SRD5A2: variants seen among roughly 807,000 people sequenced by gnomAD.
The protein encoded by SRD5A2 is 3-oxo-5-alpha-steroid 4-dehydrogenase 2.
Under a neutral mutation model 27.4 loss-of-function variants are expected in SRD5A2, and 30 were observed. The observed-to-expected ratio is 1.10, with a 90% CI of 0.82 to 1.49. The LOEUF is 1.49. Among genes scored for constraint, SRD5A2 ranks in the 40% most tolerant of loss-of-function variants. SRD5A2 has a pLI of 0.00. For synonymous variants in SRD5A2, 141 were observed against 133.6 expected (o/e 1.06, Z -0.38); for missense variants, 348 against 323.4 (o/e 1.08, Z -0.58).
chr2:31,549,787 G>T (rs537248020), intron 1 of SRD5A2, among the ~76,000 whole-genome samples: 2 of 152,234 alleles, frequency 1.3e-5, no homozygotes, highest in East Asian at 3.9e-4. Flanking sequence ...AAAGCTGAAG[G>T]CTTCAACACC....
At chr2:31,589,816 G>C in the SRD5A2 span, among the ~76,000 whole-genome samples, 1 of 152,134 alleles carries the variant, frequency 6.6e-6, no homozygotes, top group Admixed American at 6.5e-5. Context: ...AGGCAGGGAA[G>C]GGAGGCCTGA....
At chr2:31,637,742 C>T in the SRD5A2 span, among the ~76,000 whole-genome samples, 3 of 152,050 alleles carry the variant, frequency 2.0e-5, no homozygotes, top group Non-Finnish European at 2.9e-5. Context: ...AACCAAGAAC[C>T]CTCCCAAGCT....
the SRD5A2 span, among the ~76,000 whole-genome samples, chr2:31,634,985 A>G: frequency 6.6e-6 from 1 of 152,164 alleles, no homozygotes; most frequent in East Asian, 1.9e-4. Flanking sequence ...ATAGTGCTTC[A>G]ATAAAGATGG....
At position 31,539,007 on chromosome 2, in the gene SRD5A2, A is replaced by C. The variant is rs139281686; in HGVS notation, c.282-5241T>G. 7.8e-3 allele frequency among the ~76,000 whole-genome samples: 1,192 copies of C among 152,358 alleles called. 15 individuals carry two copies. Among genetic ancestry groups the C allele is most frequent in the African/African-American group, 0.027 (1,133 of 41,586 alleles). Reference sequence around the variant, plus strand: ...GCTATAAGTGGCACACATCATACGCATGCAGAGCTTCAAATTTTATCTCAC... The same window carrying C: ...GCTATAAGTGGCACACATCATACGCCTGCAGAGCTTCAAATTTTATCTCAC... On this transcript the variant is annotated intron_variant, in intron 1 of 4. Coordinates refer to ENST00000622030, the MANE Select transcript of SRD5A2 (RefSeq NM_000348.4).
At chr2:31,608,111 T>C in the SRD5A2 span, among the ~76,000 whole-genome samples, 13 of 152,076 alleles carry the variant, frequency 8.5e-5, no homozygotes, top group East Asian at 3.9e-4. Context: ...TATTCCATTA[T>C]AGCAGCCCAA....
chr2:31,582,538 T>C (rs1437200353), upstream of SRD5A2, among the ~76,000 whole-genome samples: 1 of 152,188 alleles, frequency 6.6e-6, no homozygotes, highest in Non-Finnish European at 1.5e-5. Flanking sequence ...ATCATAGCCG[T>C]TTCAAGCTTT....
the SRD5A2 span, among the ~76,000 whole-genome samples, chr2:31,619,289 G>A: frequency 6.0e-4 from 92 of 152,102 alleles, no homozygotes; most frequent in African/African-American, 2.0e-3. Context: ...CCACATGACC[G>A]AGTAATTCTA....
At chr2:31,622,830 A>C in the SRD5A2 span, among the ~76,000 whole-genome samples, 2 of 152,082 alleles carry the variant, frequency 1.3e-5, no homozygotes, top group Admixed American at 1.3e-4. Context: ...AATAAAATCC[A>C]CTTTTCATCA....
chr2:31,604,080 T>C, the SRD5A2 span, among the ~76,000 whole-genome samples: 1 of 151,810 alleles, frequency 6.6e-6, no homozygotes, highest in African/African-American at 2.4e-5. Flanking sequence ...AAAAAGTCAA[T>C]GTTTCTTCAT....
chr2:31,554,267 C>T (rs1666446958), intron 1 of SRD5A2, among the ~76,000 whole-genome samples: 1 of 152,104 alleles, frequency 6.6e-6, no homozygotes, highest in African/African-American at 2.4e-5. Context: ...TGAAGATAAA[C>T]ACTAACTCCC....
chr2:31,654,315 G>T, the SRD5A2 span, among the ~76,000 whole-genome samples: 7 of 152,192 alleles, frequency 4.6e-5, no homozygotes, highest in African/African-American at 1.4e-4. Flanking sequence ...CTACTTGCAG[G>T]TGAGAGGTTC....
chr2:31,637,008 C>T, the SRD5A2 span, among the ~76,000 whole-genome samples: 1 of 152,046 alleles, frequency 6.6e-6, no homozygotes, highest in Admixed American at 6.6e-5. Flanking sequence ...CAAGTATTTC[C>T]TTCTTTTCCA....
chr2:31,548,576 C>T (rs1012761584), intron 1 of SRD5A2, among the ~76,000 whole-genome samples: 9 of 152,006 alleles, frequency 5.9e-5, no homozygotes, highest in African/African-American at 2.2e-4. Context: ...ATTAAGAAAA[C>T]AAAAAATAAC....
intron 1 of SRD5A2, among the ~76,000 whole-genome samples, chr2:31,557,466 C>G (rs1666522921): frequency 6.6e-6 from 1 of 152,124 alleles, no homozygotes; most frequent in Non-Finnish European, 1.5e-5. Context: ...CTCAGTAAAA[C>G]CATAATTTTT....
intron 1 of SRD5A2, among the ~76,000 whole-genome samples, chr2:31,556,820 T>C (rs1038551880): frequency 1.3e-5 from 2 of 152,198 alleles, no homozygotes; most frequent in Admixed American, 1.3e-4. Flanking sequence ...GGAGTAATAT[T>C]ACACTATTGA....
intron 1 of SRD5A2, among the ~76,000 whole-genome samples, chr2:31,555,886 C>T (rs1666484112): frequency 6.6e-6 from 1 of 152,150 alleles, no homozygotes; most frequent in African/African-American, 2.4e-5. Context: ...AGGAAGATCT[C>T]TTGAGCCCAG....
At chr2:31,569,170 G>A (rs1329849471) in intron 1 of SRD5A2, among the ~76,000 whole-genome samples, 1 of 152,240 alleles carries the variant, frequency 6.6e-6, no homozygotes, top group African/African-American at 2.4e-5. Context: ...GGAGTGCGCA[G>A]CCCCAGCCAT....
At chr2:31,537,623 C>T (rs1012105894) in intron 1 of SRD5A2, among the ~76,000 whole-genome samples, 8 of 152,164 alleles carry the variant, frequency 5.3e-5, no homozygotes, top group African/African-American at 1.9e-4. Flanking sequence ...GAGAGTGCCC[C>T]CAGAACTCAG....
intron 1 of SRD5A2, among the ~76,000 whole-genome samples, chr2:31,572,624 G>T (rs577955795): frequency 6.6e-6 from 1 of 152,208 alleles, no homozygotes; most frequent in Non-Finnish European, 1.5e-5. Flanking sequence ...CTAGAACTTA[G>T]ATTTGTTTAT....
Sources: gnomAD v4.1 joint callset for allele counts (sites outside exome capture counted in the v4.1 genomes callset) on GRCh38, gnomAD v4.1.1 for gene constraint, MANE v1.5 for transcripts, NCBI Gene and HGNC (gene_info 2026-07-23, HGNC 2026-07-21) for gene names.